The following GANC variants were observed in gnomAD, a reference collection of about 807,000 sequenced individuals.
GANC encodes glucosidase alpha, neutral C.
GANC carries 117 observed loss-of-function variants against 124.2 expected under a neutral mutation model. That is an observed-to-expected ratio of 0.94 (90% CI 0.81 to 1.10). The LOEUF is 1.10. Ranked by LOEUF, GANC falls within the 50% of genes least tolerant of loss-of-function variation. The pLI, the probability that GANC is intolerant of heterozygous loss-of-function variation, is 0.00. For missense variants in GANC, 1,140 were observed against 1,095.0 expected, an observed-to-expected ratio of 1.04 and a Z score of -0.58; for synonymous variants, 377 against 376.8, an observed-to-expected ratio of 1.00 and a Z score of -0.01.
rs1357380872 is a variant in GANC at position 42,352,907 on chromosome 15, G to A, written c.*768G>A. 1 of 460,012 alleles carries A rather than the reference G, an allele frequency of 2.2e-6. No homozygotes were observed. Among genetic ancestry groups the A allele is most frequent in the African/African-American group, 2.1e-5 (1 of 46,906 alleles). 28.5% of individuals were successfully genotyped at this position (460,012 alleles called of 1,614,324 possible). On this transcript the variant is annotated 3_prime_UTR_variant, in exon 24 of 24. Coordinates refer to ENST00000318010, the MANE Select transcript of GANC (RefSeq NM_198141.3). ...AAGTAGAACTCATGACTGGGACTAG[G>A]ATGAGGCAAGGGAGACCCTGGCCTT...
intron 8 of GANC, among the ~76,000 whole-genome samples, chr15:42,309,270 A>G (rs1002814280): frequency 1.3e-5 from 2 of 151,920 alleles, no homozygotes; most frequent in Non-Finnish European, 2.9e-5. Context: ...CCCACCCCCA[A>G]TTCAGTTCCC....
chr15:42,343,188 C>A, intron 19 of GANC, 34 bp downstream of exon 19: 1 of 1,506,762 alleles, frequency 6.6e-7, no homozygotes. Context: ...TCTGATATGT[C>A]TCATATCTCT....
At chr15:42,328,871 G>A (rs1417177780) in intron 13 of GANC, among the ~76,000 whole-genome samples, 1 of 152,168 alleles carries the variant, frequency 6.6e-6, no homozygotes, top group Non-Finnish European at 1.5e-5. Flanking sequence ...GTCTTTCAAA[G>A]TATTAGAGAG....
intron 15 of GANC, 98 bp downstream of exon 15, chr15:42,330,770 C>CTTTTTTTTTTTTTTTTTTTTCT (rs2052237974): frequency 3.0e-6 from 1 of 332,872 alleles, no homozygotes; most frequent in Admixed American, 7.7e-5. Flanking sequence ...CTTCCTTTTC[C>CTTTTTTTTTTTTTTTTTTTTCT]TTTTTTTTTT....
intron 10 of GANC, among the ~76,000 whole-genome samples, chr15:42,318,877 A>T: frequency 6.6e-6 from 1 of 152,166 alleles, no homozygotes; most frequent in East Asian, 1.9e-4. Context: ...TACAGGTGTG[A>T]GCCACCATGC....
At position 42,329,411 on chromosome 15, in the gene GANC, G is replaced by A. The variant is rs750217216; in HGVS notation, c.1606G>A (p.Glu536Lys). The A allele has an allele frequency of 1.2e-6, 2 of 1,613,590 alleles. No homozygotes were observed. Among genetic ancestry groups the A allele is most frequent in the Non-Finnish European group, 1.7e-6 (2 of 1,179,812 alleles). Residue 536 changes from glutamate to lysine, a missense_variant, in exon 14 of 24, where the codon GAG (glutamate) becomes AAG (lysine). Glu to Lys is a moderately conservative substitution (Grantham distance 56). Coordinates refer to ENST00000318010, the MANE Select transcript of GANC (RefSeq NM_198141.3). ...GAATGCCATTCATCATGGCAATTGG[G>A]AGCACAGAGAGCTCCACAACATCTA... ...QKNAIHHGNW[E>K]HRELHNIYGF...
chr15:42,330,801 T>C (rs2052238903), intron 15 of GANC, 129 bp downstream of exon 15: 2 of 646,330 alleles, frequency 3.1e-6, no homozygotes, highest in Admixed American at 3.4e-5. Context: ...TTCATTTGTT[T>C]GTTTGAAACA....
At chr15:42,330,431 A>G (rs1257515522) in intron 14 of GANC, 145 bp from the exon 15 acceptor site, 3 of 588,536 alleles carry the variant, frequency 5.1e-6, no homozygotes, top group South Asian at 4.3e-5. Context: ...TCATTATACC[A>G]TGAAAATTAT....
intron 15 of GANC, among the ~76,000 whole-genome samples, chr15:42,334,765 AT>A (rs1181692107): frequency 2.1e-5 from 3 of 142,950 alleles, no homozygotes; most frequent in African/African-American, 7.8e-5. Flanking sequence ...TGAAAAAAAA[AT>A]AATAATAACA....
At chr15:42,334,494 A>G (rs985362649) in intron 15 of GANC, among the ~76,000 whole-genome samples, 3 of 152,222 alleles carry the variant, frequency 2.0e-5, no homozygotes, top group Non-Finnish European at 2.9e-5. Flanking sequence ...GAAACAGACA[A>G]ACATTTCTTA....
At chr15:42,296,379 G>T (rs961771811) in intron 5 of GANC, among the ~76,000 whole-genome samples, 1 of 151,938 alleles carries the variant, frequency 6.6e-6, no homozygotes, top group Admixed American at 6.6e-5. Context: ...ATTTGGTTTG[G>T]TTTAGTTTAG....
At chr15:42,326,265 T>C in intron 11 of GANC, 33 bp from the exon 12 acceptor site, 1 of 1,489,764 alleles carries the variant, frequency 6.7e-7, no homozygotes, top group African/African-American at 1.4e-5. Context: ...TACATAAAAC[T>C]GATGAGACCT....
intron 3 of GANC, among the ~76,000 whole-genome samples, chr15:42,281,646 C>G (rs1429855107): frequency 2.6e-5 from 4 of 152,146 alleles, no homozygotes; most frequent in Non-Finnish European, 5.9e-5. Context: ...GATTGTGCCA[C>G]TACACTGCTG....
At chr15:42,325,497 C>T (rs2052191972) in intron 11 of GANC, among the ~76,000 whole-genome samples, 1 of 152,144 alleles carries the variant, frequency 6.6e-6, no homozygotes, top group Admixed American at 6.5e-5. Context: ...CTCAAATCTC[C>T]TTCCTAATAT....
intron 10 of GANC, among the ~76,000 whole-genome samples, chr15:42,316,714 A>C (rs1040243487): frequency 3.3e-5 from 5 of 152,300 alleles, no homozygotes; most frequent in African/African-American, 1.2e-4. Flanking sequence ...TCCCACAGGA[A>C]GCTGGTGGAG....
chr15:42,297,660 A>G lies in GANC; in HGVS notation c.558+4A>G, dbSNP rs779506321. ...GACATCAGTGGACACCTCTCAGGTA[A>G]TCTAGATTGATCCATTTATTGTTAT... On this transcript the variant is annotated splice_donor_region_variant and intron_variant, in intron 6 of 23. Transcript: ENST00000318010. 3 of 1,591,434 alleles carry G rather than the reference A, an allele frequency of 1.9e-6. No homozygotes were observed. In the African/African-American group the frequency reaches 4.0e-5, roughly 21 times the overall value.
In GANC at chr15:42,306,569, G is replaced by C; in HGVS notation, c.582G>C (p.Leu194=). The change falls in exon 7 of 24, where the codon CTG becomes CTC. Residue 194 remains leucine, a synonymous_variant. Coordinates refer to ENST00000318010, the MANE Select transcript of GANC (RefSeq NM_198141.3). ...TSQENQEDLG[L]WEEKFGKFVD... is the part of the protein sequence containing the mutation. ...AGGAAAATCAAGAAGATCTGGGCCT[G>C]TGGGAAGAGAAATTTGGAAAATTTG... The C allele has an allele frequency of 6.2e-7, 1 of 1,613,636 alleles. No individual in the cohort carries two copies. The highest frequency in any genetic ancestry group is 8.5e-7 in the Non-Finnish European group (1 of 1,179,780).
chr15:42,283,505 G>A (rs1361914059), intron 3 of GANC: 7 of 626,322 alleles, frequency 1.1e-5, no homozygotes, highest in African/African-American at 3.6e-5. Flanking sequence ...AGCTTAAATA[G>A]CATTGCTAGC....
At chr15:42,301,593 A>C (rs1298460255) in intron 6 of GANC, among the ~76,000 whole-genome samples, 1 of 152,128 alleles carries the variant, frequency 6.6e-6, no homozygotes, top group Non-Finnish European at 1.5e-5. Context: ...CAGCAAGCTA[A>C]GATCCACTGA....
Sources: allele counts gnomAD v4.1 joint callset (sites outside exome capture counted in the v4.1 genomes callset), GRCh38; gene constraint gnomAD v4.1.1; transcripts MANE v1.5; gene names NCBI Gene and HGNC (gene_info 2026-07-23, HGNC 2026-07-21).